The following SPON1 variants were observed in gnomAD, a reference collection of about 807,000 sequenced individuals.
The protein encoded by SPON1 is spondin 1, also known as spondin-1.
SPON1 carries 52 observed loss-of-function variants against 111.7 expected under a neutral mutation model. That is an observed-to-expected ratio of 0.47 (90% CI 0.37 to 0.59). The LOEUF (loss-of-function observed/expected upper bound fraction) is 0.59. Ranked by LOEUF, SPON1 falls within the 20% of genes least tolerant of loss-of-function variation. The pLI is 0.00. For synonymous variants in SPON1, 410 were observed against 395.8 expected, an observed-to-expected ratio of 1.04 and a Z score of -0.43; for missense variants, 957 against 1,068.5, an observed-to-expected ratio of 0.90 and a Z score of 1.46.
rs782569106 is a variant in SPON1 at position 14,135,398 on chromosome 11, G to C, written c.677-22G>C. 1.3e-6 allele frequency: 2 copies of C among 1,599,134 alleles called. No individual in the cohort carries two copies. Among genetic ancestry groups the C allele is most frequent in the South Asian group, 2.2e-5 (2 of 90,370 alleles). On this transcript the variant is annotated intron_variant, in intron 5 of 15. Transcript: ENST00000576479. This position sits in a 1 kb window ranked among gnomAD's most constrained non-coding sequence, Gnocchi z 4.4. ...TTCAGCCACAGCCATGCTGATAACT[G>C]CCTCCTGATTGGCTTTCCCAGGTCG... is the stretch of plus-strand genomic sequence containing the variant.
At chr11:14,092,803 C>G (rs1849070026) in intron 5 of SPON1, among the ~76,000 whole-genome samples, 1 of 152,030 alleles carries the variant, frequency 6.6e-6, no homozygotes, top group East Asian at 1.9e-4. Flanking sequence ...GTTTTACTTC[C>G]TAATTTTACA....
At chr11:14,204,178 C>T (rs914907068) in intron 6 of SPON1, among the ~76,000 whole-genome samples, 2 of 152,198 alleles carry the variant, frequency 1.3e-5, no homozygotes, top group African/African-American at 4.8e-5. Flanking sequence ...TCCATGGGCT[C>T]GGGCCAAGGC....
chr11:14,032,049 GT>G (rs2133808993), intron 2 of SPON1, among the ~76,000 whole-genome samples: 1 of 152,290 alleles, frequency 6.6e-6, no homozygotes, highest in African/African-American at 2.4e-5. Flanking sequence ...ACGTGCTGAG[GT>G]TTGTTAGGTA....
intron 6 of SPON1, among the ~76,000 whole-genome samples, chr11:14,186,782 A>G (rs1481586811): frequency 1.3e-5 from 2 of 152,172 alleles, no homozygotes; most frequent in African/African-American, 2.4e-5. Context: ...ACTCAAGCCT[A>G]CAGAAGTAAA....
In SPON1 at chr11:14,129,036, T is replaced by G. The variant is rs1203878476; in HGVS notation, c.677-6384T>G. 2.6e-5 allele frequency among the ~76,000 whole-genome samples: 4 copies of G among 152,350 alleles called. No homozygotes were observed. In the East Asian group the frequency reaches 7.7e-4, roughly 29 times the overall value. On this transcript the variant is annotated intron_variant, in intron 5 of 15. Transcript: ENST00000576479. Reference sequence around the variant, plus strand: ...GGCCCAGAAAACCATTTTCCCTCCTTGGTCTCCCAGCCTGTGATAGCAGGG... The same window carrying G: ...GGCCCAGAAAACCATTTTCCCTCCTGGGTCTCCCAGCCTGTGATAGCAGGG...
At position 14,079,935 on chromosome 11, in the gene SPON1, T is replaced by C; in HGVS notation, c.590T>C (p.Leu197Ser). The change falls in exon 5 of 16, where the codon TTA becomes TCA. Residue 197 changes from leucine to serine, a missense_variant. Transcript: ENST00000576479. ...GATGGGGTGACTGACAAACCCATCT[T>C]AGACTGCTGTGCCTGCGGAACTGCC... is the stretch of plus-strand genomic sequence containing the variant. Reference protein sequence around the residue: ...TFDGVTDKPILDCCACGTAKY... With the variant: ...TFDGVTDKPISDCCACGTAKY... 3.7e-6 allele frequency: 6 copies of C among 1,614,036 alleles called. No homozygotes were observed. Among genetic ancestry groups the C allele is most frequent in the Non-Finnish European group, 5.1e-6 (6 of 1,179,894 alleles).
At chr11:14,010,420 A>T (rs908156538) in intron 2 of SPON1, among the ~76,000 whole-genome samples, 1 of 152,056 alleles carries the variant, frequency 6.6e-6, no homozygotes, top group African/African-American at 2.4e-5. Flanking sequence ...AAGTGTAGAG[A>T]TGTAAAGGAG....
chr11:14,255,913 G>C, intron 9 of SPON1, 126 bp downstream of exon 9: 1 of 994,728 alleles, frequency 1.0e-6, no homozygotes, highest in African/African-American at 1.7e-5. Flanking sequence ...GGAATTCCTG[G>C]GCCTCCCCAG....
At chr11:14,080,730 A>G (rs1554921984) in intron 5 of SPON1, among the ~76,000 whole-genome samples, 1 of 152,128 alleles carries the variant, frequency 6.6e-6, no homozygotes, top group Non-Finnish European at 1.5e-5. Flanking sequence ...CTGCTATCAT[A>G]GGTGTTAGTA....
At chr11:13,968,133 C>T (rs1848033513) in intron 1 of SPON1, among the ~76,000 whole-genome samples, 1 of 152,186 alleles carries the variant, frequency 6.6e-6, no homozygotes, top group African/African-American at 2.4e-5. Flanking sequence ...GTTATACAGA[C>T]TGTCACATAT....
rs1274871072 is a variant in SPON1, at chr11:14,054,137, G to A, written c.479+12483G>A. Among the ~76,000 whole-genome samples the A allele has an allele frequency of 2.0e-5, 3 of 152,208 alleles. No homozygotes were observed. In the East Asian group the frequency reaches 5.8e-4, roughly 29 times the overall value. ...ACTCCCTCCATAATTAATTATTGTG[G>A]GCTGATTTCAGCTACATTTTTCCTT... is the stretch of plus-strand genomic sequence containing the variant. On this transcript the variant is annotated intron_variant, in intron 3 of 15. Transcript: ENST00000576479.
At chr11:14,190,470 T>G (rs1554934436) in intron 6 of SPON1, among the ~76,000 whole-genome samples, 2 of 151,574 alleles carry the variant, frequency 1.3e-5, no homozygotes, top group South Asian at 4.2e-4. Flanking sequence ...TCTTCTTTCC[T>G]CCTTCTTCCT....
At chr11:14,188,431 G>A (rs1848310292) in intron 6 of SPON1, among the ~76,000 whole-genome samples, 1 of 152,096 alleles carries the variant, frequency 6.6e-6, no homozygotes, top group South Asian at 2.1e-4. Flanking sequence ...TTTAAGTTAA[G>A]GTTATAAGAG....
intron 2 of SPON1, among the ~76,000 whole-genome samples, chr11:14,023,157 G>T (rs1351326855): frequency 1.3e-5 from 2 of 152,150 alleles, no homozygotes; most frequent in African/African-American, 4.8e-5. Flanking sequence ...ATTAGGTGGG[G>T]AATTGCAAGC....
intron 2 of SPON1, among the ~76,000 whole-genome samples, chr11:14,007,262 A>T (rs1381454989): frequency 6.6e-6 from 1 of 152,150 alleles, no homozygotes; most frequent in Non-Finnish European, 1.5e-5. Flanking sequence ...GAGGGACAGA[A>T]CTGATAGGAG....
chr11:14,256,609 T>C lies in SPON1; in HGVS notation c.1234-8T>C. The C allele has an allele frequency of 6.2e-7, 1 of 1,609,000 alleles. No homozygotes were observed. Reference sequence around the variant, plus strand: ...ATGTGAGCCCTCCAAGTAAAATTCCTTTTTCAGGGTGAACAATGCAATATT... The same window carrying C: ...ATGTGAGCCCTCCAAGTAAAATTCCCTTTTCAGGGTGAACAATGCAATATT... On this transcript the variant is annotated splice_polypyrimidine_tract_variant and splice_region_variant and intron_variant, in intron 9 of 15. Coordinates refer to ENST00000576479, the MANE Select transcript of SPON1 (RefSeq NM_006108.4).
At chr11:13,993,858 TATA>T (rs1253525384) in intron 2 of SPON1, among the ~76,000 whole-genome samples, 7 of 152,228 alleles carry the variant, frequency 4.6e-5, no homozygotes, top group Non-Finnish European at 1.0e-4. Flanking sequence ...GCTGCTAATT[TATA>T]ATACTATTCA....
intron 6 of SPON1, among the ~76,000 whole-genome samples, chr11:14,185,154 A>T (rs782340024): frequency 5.3e-5 from 8 of 152,204 alleles, no homozygotes; most frequent in African/African-American, 7.2e-5. Context: ...TTGCTAAATT[A>T]TTCCCATCAA....
chr11:13,999,495 T>C (rs1848299492), intron 2 of SPON1, among the ~76,000 whole-genome samples: 1 of 151,244 alleles, frequency 6.6e-6, no homozygotes, highest in Non-Finnish European at 1.5e-5. Context: ...AACTTCCACC[T>C]CCCGTGTTCA....
Sources: allele counts gnomAD v4.1 joint callset (sites outside exome capture counted in the v4.1 genomes callset), GRCh38; gene constraint gnomAD v4.1.1; non-coding constraint Gnocchi (gnomAD v3.1); transcripts MANE v1.5; gene names NCBI Gene and HGNC (gene_info 2026-07-23, HGNC 2026-07-21).